NUFIP1: variants seen among roughly 807,000 people sequenced by gnomAD.
NUFIP1 encodes the protein nuclear FMR1 interacting protein 1, also known as FMR1-interacting protein NUFIP1.
A neutral mutation model predicts 56.2 loss-of-function variants in NUFIP1; 38 were observed. That is an observed-to-expected ratio of 0.68 (90% CI 0.52 to 0.89). The LOEUF is 0.89. NUFIP1 is among the 40% of genes least tolerant of loss of function. The pLI is 0.00. For missense variants in NUFIP1, 567 were observed against 605.8 expected, an observed-to-expected ratio of 0.94 and a Z score of 0.67; for synonymous variants, 215 against 212.4, an observed-to-expected ratio of 1.01 and a Z score of -0.10.
intron 5 of NUFIP1, among the ~76,000 whole-genome samples, chr13:44,971,873 C>A (rs1220825621): frequency 6.6e-6 from 1 of 152,058 alleles, no homozygotes; most frequent in Non-Finnish European, 1.5e-5. Flanking sequence ...CAGCCTACGT[C>A]CATGGTACTG....
intron 8 of NUFIP1, among the ~76,000 whole-genome samples, chr13:44,946,067 A>G (rs991283989): frequency 3.3e-5 from 5 of 152,046 alleles, no homozygotes; most frequent in African/African-American, 1.2e-4. Flanking sequence ...TTCATCTATA[A>G]AATAGAGATG....
intron 5 of NUFIP1, among the ~76,000 whole-genome samples, chr13:44,967,574 G>C (rs535100706): frequency 6.6e-6 from 1 of 152,268 alleles, no homozygotes; most frequent in East Asian, 1.9e-4. Context: ...ATGAAACACA[G>C]TTACAGGCAA....
chr13:44,980,236 G>A (rs1180309510), intron 3 of NUFIP1, among the ~76,000 whole-genome samples: 1 of 152,152 alleles, frequency 6.6e-6, no homozygotes, highest in Non-Finnish European at 1.5e-5. Context: ...TAAAGTTGAG[G>A]GGCATTCCCA....
At chr13:44,963,834 C>A (rs901320176) in intron 6 of NUFIP1, among the ~76,000 whole-genome samples, 5 of 152,172 alleles carry the variant, frequency 3.3e-5, no homozygotes, top group African/African-American at 1.2e-4. Flanking sequence ...TATTTTAAAG[C>A]TATGTTCTAG....
At chr13:44,976,358 G>A (rs892452446) in intron 5 of NUFIP1, among the ~76,000 whole-genome samples, 1 of 146,500 alleles carries the variant, frequency 6.8e-6, no homozygotes, top group Non-Finnish European at 1.5e-5. Flanking sequence ...AAGGAGAAAG[G>A]AGGAGGAGGA....
intron 6 of NUFIP1, among the ~76,000 whole-genome samples, chr13:44,962,306 G>A (rs370196578): frequency 5.3e-5 from 8 of 152,134 alleles, no homozygotes; most frequent in Non-Finnish European, 1.0e-4. Flanking sequence ...TTGAAAACAC[G>A]ATCCTTTCTC....
In NUFIP1 at chr13:44,982,212, A is replaced by AAT. The variant is rs1872219912; in HGVS notation, c.413-59_413-58insAT. 7.5e-6 allele frequency: 6 copies of AAT among 804,762 alleles called. No homozygotes were observed. The South Asian group carries it at 1.9e-4, about 25-fold the overall frequency. The allele number at this position is 804,762 out of a possible 1,614,324, so 49.9% of individuals were successfully genotyped here. The stretch of plus-strand genomic sequence containing the variant: ...CAATGTAATTATTTAAATTATAATT[A>AAT]AATTTTATCTACTACAGCATGTTAC... On this transcript the variant is annotated intron_variant, in intron 1 of 9. Coordinates refer to ENST00000379161, the MANE Select transcript of NUFIP1 (RefSeq NM_012345.3).
chr13:44,989,339 G>T lies in NUFIP1; in HGVS notation c.98C>A (p.Pro33Gln). Residue 33 changes from proline to glutamine, a missense_variant, in exon 1 of 10, where the codon CCG becomes CAG. Coordinates refer to ENST00000379161, the MANE Select transcript of NUFIP1 (RefSeq NM_012345.3). ...TGCCCAGAACATCCAGCTGTCCCGC[G>T]GCGGGGCAGTGTCGCTCAGGGGCCC... ...TLGPLSDTAP[P>Q]RDSWMFWAML... 2 of 1,613,102 alleles carry T rather than the reference G, an allele frequency of 1.2e-6. No homozygotes were observed. The highest frequency in any genetic ancestry group is 1.7e-6 in the Non-Finnish European group (2 of 1,179,762).
intron 8 of NUFIP1, among the ~76,000 whole-genome samples, chr13:44,949,264 G>T (rs1471630655): frequency 1.8e-4 from 26 of 144,642 alleles, no homozygotes; most frequent in African/African-American, 6.4e-4. Context: ...TGCAGTGGCG[G>T]GATCTCGGCT....
chr13:44,973,498 C>T (rs1871873181), intron 5 of NUFIP1, among the ~76,000 whole-genome samples: 1 of 152,166 alleles, frequency 6.6e-6, no homozygotes, highest in African/African-American at 2.4e-5. Flanking sequence ...TCTTCAAGCA[C>T]CATTTACACA....
In NUFIP1 at chr13:44,980,750, T is replaced by C. The variant is rs1188296748; in HGVS notation, c.566A>G (p.Tyr189Cys). 7 of 1,603,172 alleles carry C rather than the reference T, an allele frequency of 4.4e-6. No individual in the cohort carries two copies. Among genetic ancestry groups the C allele is most frequent in the African/African-American group, 1.3e-5 (1 of 74,306 alleles). ...CDRGFKNQEKYDKHMSEHTKC... is the reference protein window; with the variant it reads ...CDRGFKNQEKCDKHMSEHTKC... Reference sequence around the variant, plus strand: ...TGTATGTTCAGACATGTGTTTGTCATACTTTTCTTGATTTTTAAAACCACG... The same window carrying C: ...TGTATGTTCAGACATGTGTTTGTCACACTTTTCTTGATTTTTAAAACCACG... Residue 189 changes from tyrosine (Y) to cysteine (C), a missense_variant, in exon 3 of 10, where the codon TAT (tyrosine) becomes TGT (cysteine). Coordinates refer to ENST00000379161, the MANE Select transcript of NUFIP1 (RefSeq NM_012345.3).
intron 1 of NUFIP1, among the ~76,000 whole-genome samples, chr13:44,986,318 C>T (rs1027838041): frequency 1.3e-5 from 2 of 152,166 alleles, no homozygotes; most frequent in Admixed American, 6.5e-5. Context: ...TTCCAACCCT[C>T]ATAGACGATT....
chr13:44,945,206 T>C (rs1312547859), intron 8 of NUFIP1, among the ~76,000 whole-genome samples: 4 of 151,958 alleles, frequency 2.6e-5, no homozygotes, highest in Non-Finnish European at 2.9e-5. Flanking sequence ...TTATAGATCC[T>C]ACAGATATCA....
chr13:44,961,052 G>GAAAAAAAAAAAAA (rs975537873), intron 6 of NUFIP1, among the ~76,000 whole-genome samples: 1 of 53,574 alleles, frequency 1.9e-5, no homozygotes, highest in African/African-American at 6.5e-5. Flanking sequence ...TCTGTCTCCA[G>GAAAAAAAAAAAAA]AAAAAAAAAA....
intron 7 of NUFIP1, among the ~76,000 whole-genome samples, chr13:44,958,886 A>G (rs1276737094): frequency 6.6e-6 from 1 of 152,222 alleles, no homozygotes; most frequent in East Asian, 1.9e-4. Context: ...GTTTTAGAGG[A>G]AATTCAAGGA....
At chr13:44,985,110 G>A (rs1458740219) in intron 1 of NUFIP1, among the ~76,000 whole-genome samples, 3 of 152,176 alleles carry the variant, frequency 2.0e-5, no homozygotes, top group African/African-American at 7.2e-5. Flanking sequence ...TAACACTCTT[G>A]TAGCTTGAAA....
At chr13:44,945,888 A>T (rs2137891572) in intron 8 of NUFIP1, among the ~76,000 whole-genome samples, 1 of 152,238 alleles carries the variant, frequency 6.6e-6, no homozygotes, top group Middle Eastern at 3.4e-3. Flanking sequence ...CAAAACCCAT[A>T]ATACTCAAAC....
At chr13:44,950,607 C>A (rs1871057876) in intron 7 of NUFIP1, among the ~76,000 whole-genome samples, 1 of 152,160 alleles carries the variant, frequency 6.6e-6, no homozygotes, top group African/African-American at 2.4e-5. Flanking sequence ...CTTGGCCTCC[C>A]AAAGTGCTGG....
intron 7 of NUFIP1, among the ~76,000 whole-genome samples, chr13:44,956,158 A>AG (rs1871233762): frequency 6.6e-6 from 1 of 150,934 alleles, no homozygotes. Context: ...AAAAAAAAAA[A>AG]AAAAGAATCT....
Sources: gnomAD v4.1 joint callset for allele counts (sites outside exome capture counted in the v4.1 genomes callset) on GRCh38, gnomAD v4.1.1 for gene constraint, MANE v1.5 for transcripts, NCBI Gene and HGNC (gene_info 2026-07-23, HGNC 2026-07-21) for gene names.